Variants in CHSY3 observed in about 807,000 individuals in gnomAD.
The protein encoded by CHSY3 is chondroitin sulfate synthase 3, also known as N-acetylgalactosaminyl-proteoglycan 3-beta-glucuronosyltransferase 3.
A neutral mutation model predicts 67.2 loss-of-function variants in CHSY3; 35 were observed. The observed-to-expected ratio is 0.52, with a 90% CI of 0.40 to 0.69. The LOEUF (loss-of-function observed/expected upper bound fraction) is 0.69. CHSY3 is among the 30% of genes least tolerant of loss of function. The pLI is 0.00. For missense variants in CHSY3, 1,069 were observed against 1,138.5 expected (o/e 0.94, Z 0.88); for synonymous variants, 474 against 434.7 (o/e 1.09, Z -1.12).
At chr5:130,115,120 C>G (rs1392375143) in intron 2 of CHSY3, among the ~76,000 whole-genome samples, 1 of 150,786 alleles carries the variant, frequency 6.6e-6, no homozygotes, top group Non-Finnish European at 1.5e-5. Context: ...TATTTCTTTT[C>G]TCAAATTTTT....
At chr5:130,079,116 A>G (rs908926235) in intron 2 of CHSY3, among the ~76,000 whole-genome samples, 8 of 152,114 alleles carry the variant, frequency 5.3e-5, no homozygotes, top group Non-Finnish European at 1.2e-4. Context: ...GAAGGAAAAC[A>G]TCGTTCTTCT....
intron 2 of CHSY3, among the ~76,000 whole-genome samples, chr5:129,925,473 T>G (rs1026438322): frequency 1.3e-5 from 2 of 152,194 alleles, no homozygotes; most frequent in Non-Finnish European, 2.9e-5. Flanking sequence ...TGCAAATTTC[T>G]GTGGTGTACA....
intron 2 of CHSY3, among the ~76,000 whole-genome samples, chr5:130,113,723 C>A (rs1767670500): frequency 6.6e-6 from 1 of 152,120 alleles, no homozygotes; most frequent in African/African-American, 2.4e-5. Flanking sequence ...ACCACACCAT[C>A]AGAGTTGTTT....
intron 2 of CHSY3, among the ~76,000 whole-genome samples, chr5:130,009,740 G>A (rs1366361590): frequency 6.6e-6 from 1 of 152,110 alleles, no homozygotes; most frequent in Non-Finnish European, 1.5e-5. Context: ...CTGTCCTCAA[G>A]AGAACCATCT....
intron 2 of CHSY3, among the ~76,000 whole-genome samples, chr5:130,006,887 A>G (rs569425871): frequency 6.6e-6 from 1 of 152,358 alleles, no homozygotes; most frequent in Non-Finnish European, 1.5e-5. Flanking sequence ...TAAGAAAATC[A>G]GTTGACTTTC....
chr5:130,006,612 G>A (rs6878100), intron 2 of CHSY3, among the ~76,000 whole-genome samples: 49,319 of 151,992 alleles, frequency 0.32, 8,236 homozygotes, highest in South Asian at 0.44. Flanking sequence ...AGGAGCAGAG[G>A]AAGCATAGGA....
At chr5:129,932,314 G>A (rs1761343895) in intron 2 of CHSY3, among the ~76,000 whole-genome samples, 1 of 151,754 alleles carries the variant, frequency 6.6e-6, no homozygotes, top group Non-Finnish European at 1.5e-5. Flanking sequence ...TCTGGAGGTA[G>A]ACCATCTTCT....
At chr5:130,103,381 T>A (rs1019704940) in intron 2 of CHSY3, among the ~76,000 whole-genome samples, 2 of 152,110 alleles carry the variant, frequency 1.3e-5, no homozygotes, top group African/African-American at 4.8e-5. Context: ...TGTGGCATTG[T>A]ACCACATTGA....
At chr5:130,105,263 G>C (rs1244577260) in intron 2 of CHSY3, among the ~76,000 whole-genome samples, 1 of 151,542 alleles carries the variant, frequency 6.6e-6, no homozygotes, top group Non-Finnish European at 1.5e-5. Context: ...GAACTTCAAA[G>C]TATTGTTTGA....
intron 2 of CHSY3, among the ~76,000 whole-genome samples, chr5:129,955,940 A>G (rs910150839): frequency 2.6e-5 from 4 of 152,166 alleles, no homozygotes; most frequent in South Asian, 4.1e-4. Flanking sequence ...CCAGTCTATC[A>G]TTGATGAACA....
chr5:130,084,025 A>G (rs774093345), intron 2 of CHSY3, among the ~76,000 whole-genome samples: 2 of 151,886 alleles, frequency 1.3e-5, no homozygotes, highest in African/African-American at 4.8e-5. Context: ...CTTCCTTTTA[A>G]TCAGATAACT....
At chr5:130,031,099 G>GA (rs1431375216) in intron 2 of CHSY3, among the ~76,000 whole-genome samples, 1 of 151,606 alleles carries the variant, frequency 6.6e-6, no homozygotes, top group African/African-American at 2.4e-5. Context: ...CGAGTGGTAT[G>GA]AAAAATAAAT....
At chr5:130,150,023 T>C (rs1012395272) in intron 2 of CHSY3, among the ~76,000 whole-genome samples, 19 of 152,332 alleles carry the variant, frequency 1.2e-4, no homozygotes, top group African/African-American at 4.6e-4. Flanking sequence ...ATAAAAATAA[T>C]GATGGCTCTC....
intron 2 of CHSY3, among the ~76,000 whole-genome samples, chr5:129,989,672 A>G (rs999986559): frequency 6.6e-6 from 1 of 152,168 alleles, no homozygotes; most frequent in Admixed American, 6.6e-5. Context: ...ATCTTGCAGC[A>G]TTTGTCCCAA....
In CHSY3 at chr5:130,048,489, C is replaced by A. The variant is rs377552955; in HGVS notation, c.1087-135740C>A. Among the ~76,000 whole-genome samples, 14 of 151,852 alleles carry A rather than the reference C, an allele frequency of 9.2e-5. No individual in the cohort carries two copies. The East Asian group carries it at 2.7e-3, about 29-fold the overall frequency. On this transcript the variant is annotated intron_variant, in intron 2 of 2. Coordinates refer to ENST00000305031, the MANE Select transcript of CHSY3 (RefSeq NM_175856.5). ...TTAATACAGCAGGTGCAGCTGTTTT[C>A]TTTTTCTGTCTCCTTAAATCTATGG...
At chr5:129,910,240 C>G (rs1247409743) in intron 2 of CHSY3, among the ~76,000 whole-genome samples, 1 of 151,978 alleles carries the variant, frequency 6.6e-6, no homozygotes, top group Non-Finnish European at 1.5e-5. Flanking sequence ...CAGGCTGTAA[C>G]CTGGTGAATA....
chr5:130,109,888 C>T (rs1214135824), intron 2 of CHSY3, among the ~76,000 whole-genome samples: 1 of 151,636 alleles, frequency 6.6e-6, no homozygotes, highest in Non-Finnish European at 1.5e-5. Context: ...CTTGAAAACT[C>T]CACAGATCTC....
intron 2 of CHSY3, among the ~76,000 whole-genome samples, chr5:130,061,320 CT>C (rs1580695929): frequency 6.6e-6 from 1 of 152,088 alleles, no homozygotes; most frequent in Non-Finnish European, 1.5e-5. Flanking sequence ...GAAAGGACAC[CT>C]TATTCAATAA....
At chr5:129,951,958 G>T (rs546261955) in intron 2 of CHSY3, among the ~76,000 whole-genome samples, 1 of 152,134 alleles carries the variant, frequency 6.6e-6, no homozygotes, top group African/African-American at 2.4e-5. Context: ...ATACTAGAAG[G>T]AATGACACAA....
Sources: gnomAD v4.1 joint callset for allele counts (sites outside exome capture counted in the v4.1 genomes callset) on GRCh38, gnomAD v4.1.1 for gene constraint, MANE v1.5 for transcripts, NCBI Gene and HGNC (gene_info 2026-07-23, HGNC 2026-07-21) for gene names.